XPR1: variants seen among roughly 807,000 people sequenced by gnomAD.
XPR1 encodes the protein solute carrier family 53 member 1.
In XPR1, 28 loss-of-function variants were observed where a neutral mutation model predicts 87.5. The ratio of observed to expected loss-of-function variants is 0.32; its 90% CI spans 0.24 to 0.44. The LOEUF is 0.44. Among genes scored for constraint, XPR1 ranks in the 20% least tolerant of loss-of-function variants. XPR1 has a pLI of 1.00. For missense variants in XPR1, 559 were observed against 862.3 expected (o/e 0.65, Z 4.41); for synonymous variants, 300 against 306.1 (o/e 0.98, Z 0.21).
chr1:180,673,773 C>T (rs7517852), intron 1 of XPR1, among the ~76,000 whole-genome samples: 6,561 of 152,240 alleles, frequency 0.043, 506 homozygotes, highest in African/African-American at 0.15. Context: ...AATTGTCTTC[C>T]GTGAAACTAG....
chr1:180,773,413 A>G (rs1049067791), intron 2 of XPR1, among the ~76,000 whole-genome samples: 3 of 152,242 alleles, frequency 2.0e-5, no homozygotes, highest in African/African-American at 7.2e-5. Flanking sequence ...AAGACTTTAT[A>G]AACTATGTTG....
intron 1 of XPR1, among the ~76,000 whole-genome samples, chr1:180,666,507 G>A (rs1384442591): frequency 6.6e-6 from 1 of 152,042 alleles, no homozygotes; most frequent in East Asian, 1.9e-4. Flanking sequence ...CCTTATTTGG[G>A]TAAGTTAATT....
chr1:180,858,683 G>T (rs919693808), intron 11 of XPR1, among the ~76,000 whole-genome samples: 1 of 151,990 alleles, frequency 6.6e-6, no homozygotes, highest in Non-Finnish European at 1.5e-5. Context: ...TTCAAACCCA[G>T]GTCTCCTAAC....
At chr1:180,739,583 GTCT>G (rs1658851951) in intron 2 of XPR1, among the ~76,000 whole-genome samples, 1 of 151,996 alleles carries the variant, frequency 6.6e-6, no homozygotes. Context: ...CTCCATTTAG[GTCT>G]TCTTTGATAA....
intron 2 of XPR1, among the ~76,000 whole-genome samples, chr1:180,764,583 C>T (rs1289628278): frequency 2.0e-5 from 3 of 152,008 alleles, no homozygotes; most frequent in African/African-American, 4.8e-5. Context: ...AATCCTCCCA[C>T]CTCAGCCTCC....
In XPR1 at chr1:180,824,832, C is replaced by T. The variant is rs928214433; in HGVS notation, c.843C>T (p.Phe281=). 1.2e-6 allele frequency: 2 copies of T among 1,614,010 alleles called. No homozygotes were observed. Among genetic ancestry groups the T allele is most frequent in the South Asian group, 1.1e-5 (1 of 91,074 alleles). Residue 281 remains phenylalanine (F), a synonymous_variant, in exon 8 of 15, where the codon TTC becomes TTT. Transcript: ENST00000367590. ...GGGGTGGCTTTCTTCTGATTGAATT[C>T]CTTTTTCTACTGGGCATCAACACGT... ...IYRGGFLLIE[F]LFLLGINTYG...
chr1:180,698,122 G>C (rs189436958), intron 2 of XPR1, among the ~76,000 whole-genome samples: 3 of 152,010 alleles, frequency 2.0e-5, no homozygotes, highest in Non-Finnish European at 2.9e-5. Context: ...CTCTGGTGTT[G>C]GGTACATACA....
intron 2 of XPR1, among the ~76,000 whole-genome samples, chr1:180,743,549 A>T (rs1249072597): frequency 1.3e-5 from 2 of 152,000 alleles, no homozygotes; most frequent in Non-Finnish European, 2.9e-5. Flanking sequence ...ATAGTTCATT[A>T]TATATATATA....
chr1:180,858,545 C>G (rs1385093588), intron 11 of XPR1, among the ~76,000 whole-genome samples: 2 of 152,124 alleles, frequency 1.3e-5, no homozygotes, highest in African/African-American at 4.8e-5. Flanking sequence ...ACAAAATGTT[C>G]CTTAGATGAG....
intron 1 of XPR1, among the ~76,000 whole-genome samples, chr1:180,644,221 TAGAA>T (rs1571670786): frequency 6.6e-6 from 1 of 152,152 alleles, no homozygotes; most frequent in Non-Finnish European, 1.5e-5. Context: ...ATACTATAAT[TAGAA>T]AGAGAGAGTT....
intron 1 of XPR1, among the ~76,000 whole-genome samples, chr1:180,643,163 G>GT (rs1655010554): frequency 6.6e-6 from 1 of 152,236 alleles, no homozygotes; most frequent in African/African-American, 2.4e-5. Flanking sequence ...AAAGTGAGGT[G>GT]TGTAATCTAG....
chr1:180,854,606 C>T (rs559048459), intron 11 of XPR1, among the ~76,000 whole-genome samples: 1 of 152,296 alleles, frequency 6.6e-6, no homozygotes, highest in Admixed American at 6.5e-5. Flanking sequence ...TAAGGCTAGT[C>T]ACCTATCGTG....
chr1:180,847,474 C>A (rs151102261), intron 11 of XPR1, among the ~76,000 whole-genome samples: 3 of 152,258 alleles, frequency 2.0e-5, no homozygotes, highest in African/African-American at 7.2e-5. Context: ...AATTTAGCCA[C>A]TTACTAATTA....
chr1:180,682,285 ACT>A (rs1656602217), intron 1 of XPR1, 73 bp from the exon 2 acceptor site: 5 of 1,201,502 alleles, frequency 4.2e-6, no homozygotes, highest in Non-Finnish European at 4.6e-6. Flanking sequence ...TTGAAAAAGA[ACT>A]GTTTAGCTTC....
At chr1:180,739,144 C>G (rs1229345927) in intron 2 of XPR1, among the ~76,000 whole-genome samples, 1 of 152,140 alleles carries the variant, frequency 6.6e-6, no homozygotes, top group African/African-American at 2.4e-5. Flanking sequence ...TCTCCCTTCT[C>G]CTTTGAATTG....
At chr1:180,761,285 TAAAGAG>T (rs1648015367) in intron 2 of XPR1, among the ~76,000 whole-genome samples, 2 of 152,056 alleles carry the variant, frequency 1.3e-5, no homozygotes, top group Non-Finnish European at 2.9e-5. Context: ...CGAATTAAAC[TAAAGAG>T]CTTCTGCACA....
chr1:180,853,667 A>ACC (rs1553253901), intron 11 of XPR1, among the ~76,000 whole-genome samples: 5 of 132,980 alleles, frequency 3.8e-5, no homozygotes, highest in South Asian at 2.4e-4. Context: ...ACACACACAC[A>ACC]CCCTACCTCT....
At chr1:180,693,092 G>A (rs1657043073) in intron 2 of XPR1, among the ~76,000 whole-genome samples, 1 of 152,142 alleles carries the variant, frequency 6.6e-6, no homozygotes, top group Non-Finnish European at 1.5e-5. Flanking sequence ...AAAAAGTTCT[G>A]GGAATTACAA....
intron 2 of XPR1, among the ~76,000 whole-genome samples, chr1:180,743,156 A>G (rs1658973169): frequency 6.6e-6 from 1 of 150,534 alleles, no homozygotes; most frequent in African/African-American, 2.4e-5. Context: ...ATTTAGATCT[A>G]CCATTTTGTT....
Sources: allele counts gnomAD v4.1 joint callset (sites outside exome capture counted in the v4.1 genomes callset), GRCh38; gene constraint gnomAD v4.1.1; transcripts MANE v1.5; gene names NCBI Gene and HGNC (gene_info 2026-07-23, HGNC 2026-07-21).